Variants in EYS observed in about 807,000 individuals in gnomAD.
EYS encodes EGF-like photoreceptor maintenance factor.
In EYS, 250 loss-of-function variants were observed where a neutral mutation model predicts 282.1. The ratio of observed to expected loss-of-function variants is 0.89; its 90% CI spans 0.80 to 0.98. EYS has a LOEUF of 0.98. Ranked by LOEUF, EYS falls within the 50% of genes least tolerant of loss-of-function variation. EYS has a pLI of 0.00. For missense variants in EYS, 4,016 were observed against 3,709.0 expected (o/e 1.08, Z -2.15); for synonymous variants, 1,355 against 1,282.9 (o/e 1.06, Z -1.20).
intron 40 of EYS, 68 bp from the exon 41 acceptor site, chr6:63,762,701 C>G: frequency 7.3e-7 from 1 of 1,370,544 alleles, no homozygotes; most frequent in Admixed American, 2.8e-5. Flanking sequence ...TATGTATTGC[C>G]CTGATGCTAA....
intron 8 of EYS, among the ~76,000 whole-genome samples, chr6:65,367,624 G>A (rs895296887): frequency 9.3e-5 from 14 of 151,158 alleles, no homozygotes; most frequent in Admixed American, 1.3e-4. Flanking sequence ...CAAAAGTTCC[G>A]CTGAAAAAAA....
chr6:63,893,035 C>T (rs1011195987), intron 35 of EYS, among the ~76,000 whole-genome samples: 1 of 152,174 alleles, frequency 6.6e-6, no homozygotes, highest in African/African-American at 2.4e-5. Flanking sequence ...GAGATACCAC[C>T]TTACACCAGT....
intron 14 of EYS, among the ~76,000 whole-genome samples, chr6:64,986,218 T>C (rs372764177): frequency 1.3e-5 from 2 of 151,700 alleles, no homozygotes; most frequent in African/African-American, 4.8e-5. Context: ...GAAAAACTTT[T>C]ATCAGAAGGT....
chr6:64,248,476 A>G (rs1470511993), intron 30 of EYS, among the ~76,000 whole-genome samples: 1 of 152,128 alleles, frequency 6.6e-6, no homozygotes, highest in African/African-American at 2.4e-5. Flanking sequence ...TTTAGGAGAA[A>G]TACGGTTTGT....
At chr6:64,256,601 C>G (rs1156883181) in intron 30 of EYS, among the ~76,000 whole-genome samples, 1 of 152,020 alleles carries the variant, frequency 6.6e-6, no homozygotes, top group Non-Finnish European at 1.5e-5. Flanking sequence ...TCTACTTAAT[C>G]ATACTGAGAA....
intron 5 of EYS, chr6:65,490,350 T>A: frequency 3.1e-6 from 1 of 323,358 alleles, no homozygotes; most frequent in Non-Finnish European, 5.7e-6. Context: ...TAAGTAATTT[T>A]ATGGTGAAAA....
At chr6:64,995,469 C>T (rs1026419248) in intron 14 of EYS, among the ~76,000 whole-genome samples, 10 of 152,118 alleles carry the variant, frequency 6.6e-5, no homozygotes, top group African/African-American at 1.9e-4. Context: ...AGTCTTTAGG[C>T]CCCAGACACA....
At chr6:64,156,190 A>C (rs1454550424) in intron 31 of EYS, among the ~76,000 whole-genome samples, 3 of 152,064 alleles carry the variant, frequency 2.0e-5, no homozygotes, top group Non-Finnish European at 4.4e-5. Context: ...AATTTGAATC[A>C]TGGGGGTGGT....
At chr6:64,943,103 C>CA (rs1769153485) in intron 15 of EYS, among the ~76,000 whole-genome samples, 1 of 151,936 alleles carries the variant, frequency 6.6e-6, no homozygotes, top group African/African-American at 2.4e-5. Context: ...GAATTAAAAA[C>CA]AAAAAACACA....
intron 2 of EYS, among the ~76,000 whole-genome samples, chr6:65,579,753 T>C (rs1014506337): frequency 6.6e-6 from 1 of 152,136 alleles, no homozygotes; most frequent in African/African-American, 2.4e-5. Context: ...CTAAAAGCCC[T>C]ATCTCCAAAT....
At position 64,512,013 on chromosome 6, in the gene EYS, C is replaced by G. The variant is rs181425601; in HGVS notation, c.5645-72661G>C. Among the ~76,000 whole-genome samples, 8 of 152,150 alleles carry G rather than the reference C, an allele frequency of 5.3e-5. No homozygotes were observed. In the East Asian group the frequency reaches 1.4e-3, roughly 26 times the overall value. ...TGTTCTCAACTTTTCTATACCTTGT[C>G]CTTTCTGAAACCTCTTCAGCTTTTT... On this transcript the variant is annotated intron_variant, in intron 26 of 42. Transcript: ENST00000503581.
At chr6:64,455,134 A>G (rs1015255574) in intron 26 of EYS, among the ~76,000 whole-genome samples, 5 of 151,308 alleles carry the variant, frequency 3.3e-5, no homozygotes, top group African/African-American at 4.9e-5. Context: ...CTGATGTTGA[A>G]CTCTTGGACT....
At chr6:65,074,679 T>C (rs1277663069) in intron 12 of EYS, among the ~76,000 whole-genome samples, 1 of 152,018 alleles carries the variant, frequency 6.6e-6, no homozygotes, top group Non-Finnish European at 1.5e-5. Context: ...CATCAGATCA[T>C]AGCAGAGAAA....
At chr6:64,512,502 C>T (rs773030283) in intron 26 of EYS, among the ~76,000 whole-genome samples, 8 of 151,480 alleles carry the variant, frequency 5.3e-5, no homozygotes, top group Non-Finnish European at 1.0e-4. Context: ...GGGGAGGGGG[C>T]CATCTATACT....
intron 33 of EYS, among the ~76,000 whole-genome samples, chr6:64,026,065 G>A (rs766803847): frequency 1.2e-4 from 18 of 152,176 alleles, no homozygotes; most frequent in Non-Finnish European, 2.4e-4. Flanking sequence ...TGGTCCGGGA[G>A]GAAAACTAGT....
At chr6:65,542,734 A>G (rs1241468535) in intron 2 of EYS, among the ~76,000 whole-genome samples, 1 of 152,174 alleles carries the variant, frequency 6.6e-6, no homozygotes, top group Non-Finnish European at 1.5e-5. Context: ...AACACCGGCT[A>G]CTTGATAAAC....
intron 19 of EYS, among the ~76,000 whole-genome samples, chr6:64,829,386 C>T (rs1765150881): frequency 6.6e-6 from 1 of 151,930 alleles, no homozygotes; most frequent in Non-Finnish European, 1.5e-5. Context: ...TACTGCTTCC[C>T]TCAGATATCC....
intron 31 of EYS, among the ~76,000 whole-genome samples, chr6:64,225,838 G>A (rs535981383): frequency 6.6e-6 from 1 of 152,094 alleles, no homozygotes; most frequent in Non-Finnish European, 1.5e-5. Flanking sequence ...GAAATCCCCT[G>A]TCTTTGATAA....
At position 65,538,209 on chromosome 6, in the gene EYS, A is replaced by G. The variant is rs531699826; in HGVS notation, c.-332-42216T>C. On this transcript the variant is annotated intron_variant, in intron 2 of 42. Coordinates refer to ENST00000503581, the MANE Select transcript of EYS (RefSeq NM_001142800.2). The stretch of plus-strand genomic sequence containing the variant: ...AAATGGTAAGGATATAAGTTGAAAG[A>G]AAAGGTAAATGTCTTTAGGAGAATT... 3.9e-5 allele frequency among the ~76,000 whole-genome samples: 6 copies of G among 152,322 alleles called. No homozygotes were observed. In the South Asian group the frequency reaches 1.2e-3, roughly 32 times the overall value.
Sources: gnomAD v4.1 joint callset for allele counts (sites outside exome capture counted in the v4.1 genomes callset) on GRCh38, gnomAD v4.1.1 for gene constraint, MANE v1.5 for transcripts, NCBI Gene and HGNC (gene_info 2026-07-23, HGNC 2026-07-21) for gene names.